The following EYA2 variants were observed in gnomAD, a reference collection of about 807,000 sequenced individuals.
The protein encoded by EYA2 is protein phosphatase EYA2.
EYA2 carries 31 observed loss-of-function variants against 69.2 expected under a neutral mutation model. The observed-to-expected ratio is 0.45, with a 90% CI of 0.34 to 0.60. EYA2 has a LOEUF of 0.60. Among genes scored for constraint, EYA2 ranks in the 20% least tolerant of loss-of-function variants. The probability of loss-of-function intolerance (pLI) is 0.02; values close to 1 mark genes in which losing one functional copy is unlikely to be tolerated. For synonymous variants in EYA2, 257 were observed against 279.4 expected (o/e 0.92, Z 0.80); for missense variants, 622 against 701.2 (o/e 0.89, Z 1.28).
intron 10 of EYA2, among the ~76,000 whole-genome samples, chr20:47,148,064 A>G (rs901127053): frequency 6.6e-6 from 1 of 151,024 alleles, no homozygotes; most frequent in African/African-American, 2.4e-5. Context: ...GTCTCAAAAA[A>G]AAAAAAAAAG....
chr20:46,991,621 T>C (rs1406941467), intron 2 of EYA2, among the ~76,000 whole-genome samples: 1 of 152,204 alleles, frequency 6.6e-6, no homozygotes, highest in African/African-American at 2.4e-5. Context: ...TAAAAGTGAA[T>C]TTGTAAAAAT....
chr20:47,117,512 G>T, intron 9 of EYA2: 1 of 985,374 alleles, frequency 1.0e-6, no homozygotes, highest in Non-Finnish European at 1.2e-6. Flanking sequence ...ATTCCTCCGC[G>T]GGTGTTATTA....
rs60383949 is a variant in EYA2 at position 47,078,331 on chromosome 20, G to GCACACACACA, written c.661+4019_661+4028dup. ...CACATGTGCACGTGCGCGCGCGCGC[G>GCACACACACA]CACACACACACACACACACACACAC... On this transcript the variant is annotated intron_variant, in intron 7 of 15. Coordinates refer to ENST00000327619, the MANE Select transcript of EYA2 (RefSeq NM_005244.5). 5.1e-4 allele frequency among the ~76,000 whole-genome samples: 63 copies of GCACACACACA among 123,820 alleles called. No individual in the cohort carries two copies. In the East Asian group the frequency reaches 7.7e-3, roughly 15 times the overall value. 81.2% of individuals were successfully genotyped at this position (123,820 alleles called of 152,430 possible).
At chr20:46,950,903 G>A (rs557718241) in intron 1 of EYA2, among the ~76,000 whole-genome samples, 1 of 152,258 alleles carries the variant, frequency 6.6e-6, no homozygotes, top group Non-Finnish European at 1.5e-5. Flanking sequence ...AGTAACAGAG[G>A]GTGTGTGATC....
chr20:46,913,697 G>A (rs1231413719), intron 1 of EYA2, among the ~76,000 whole-genome samples: 1 of 152,144 alleles, frequency 6.6e-6, no homozygotes, highest in African/African-American at 2.4e-5. Context: ...TGAGGGATTG[G>A]CTCTGGGAAG....
intron 9 of EYA2, among the ~76,000 whole-genome samples, chr20:47,142,635 A>G (rs2033620431): frequency 6.6e-6 from 1 of 152,238 alleles, no homozygotes; most frequent in African/African-American, 2.4e-5. Context: ...GAGAGACTCA[A>G]CATCCCAACT....
chr20:46,945,212 G>C (rs1978384870), intron 1 of EYA2, among the ~76,000 whole-genome samples: 1 of 152,192 alleles, frequency 6.6e-6, no homozygotes, highest in Admixed American at 6.5e-5. Flanking sequence ...TCTGTAAAAT[G>C]GGGATAATTA....
At position 47,158,032 on chromosome 20, in the gene EYA2, A is replaced by G. The variant is rs567546079; in HGVS notation, c.979-11107A>G. ...GTTGGAAGGCCCCTGCGATCCCAGC[A>G]CCTACCTTCATCCATGCCCTGTGAC... On this transcript the variant is annotated intron_variant, in intron 10 of 15. Coordinates refer to ENST00000327619, the MANE Select transcript of EYA2 (RefSeq NM_005244.5). Among the ~76,000 whole-genome samples, 15 of 152,090 alleles carry G rather than the reference A, an allele frequency of 9.9e-5. 1 individual carries two copies. In the South Asian group the frequency reaches 3.2e-3, roughly 32 times the overall value.
intron 1 of EYA2, among the ~76,000 whole-genome samples, chr20:46,920,121 G>T (rs1219679859): frequency 6.6e-6 from 1 of 151,846 alleles, no homozygotes; most frequent in Non-Finnish European, 1.5e-5. Flanking sequence ...AGATATAATA[G>T]CAATGAAAAA....
intron 5 of EYA2, among the ~76,000 whole-genome samples, chr20:47,038,824 C>A (rs563316614): frequency 6.6e-6 from 1 of 152,210 alleles, no homozygotes; most frequent in African/African-American, 2.4e-5. Context: ...AGTGTGAGTA[C>A]TTTAGATACC....
chr20:47,113,082 G>A (rs576360876), intron 9 of EYA2, among the ~76,000 whole-genome samples: 3 of 151,716 alleles, frequency 2.0e-5, no homozygotes, highest in Non-Finnish European at 2.9e-5. Flanking sequence ...CATGTTGACC[G>A]GGCTGGTCTT....
At chr20:47,058,373 A>C (rs139745392) in intron 5 of EYA2, among the ~76,000 whole-genome samples, 1 of 152,338 alleles carries the variant, frequency 6.6e-6, no homozygotes, top group African/African-American at 2.4e-5. Flanking sequence ...GGTCTGTGCA[A>C]CCTTGGGACC....
chr20:47,180,312 T>C (rs2281367), intron 13 of EYA2, among the ~76,000 whole-genome samples: 87,058 of 152,046 alleles, frequency 0.57, 26,838 homozygotes, highest in African/African-American at 0.82. Flanking sequence ...ATTGCAGGTG[T>C]GAGCCACCAC....
At chr20:46,918,119 G>A (rs1284130075) in intron 1 of EYA2, among the ~76,000 whole-genome samples, 1 of 152,080 alleles carries the variant, frequency 6.6e-6, no homozygotes, top group Non-Finnish European at 1.5e-5. Flanking sequence ...AGGAGATCGA[G>A]ACCATCCTGG....
intron 1 of EYA2, among the ~76,000 whole-genome samples, chr20:46,905,212 A>T (rs1180022192): frequency 6.6e-6 from 1 of 152,060 alleles, no homozygotes; most frequent in Admixed American, 6.5e-5. Flanking sequence ...AAAATACATG[A>T]TATACATGTG....
intron 9 of EYA2, among the ~76,000 whole-genome samples, chr20:47,099,885 T>G (rs1282104159): frequency 1.3e-5 from 2 of 151,600 alleles, no homozygotes; most frequent in East Asian, 3.9e-4. Context: ...ACCATGAACA[T>G]TTTTTTTTAT....
chr20:46,991,715 A>C (rs1981669743), intron 2 of EYA2, among the ~76,000 whole-genome samples: 1 of 152,198 alleles, frequency 6.6e-6, no homozygotes, highest in South Asian at 2.1e-4. Context: ...CACACCTGTA[A>C]TCCCAGCACT....
At chr20:47,109,986 C>G (rs977375562) in intron 9 of EYA2, among the ~76,000 whole-genome samples, 1 of 152,184 alleles carries the variant, frequency 6.6e-6, no homozygotes, top group Non-Finnish European at 1.5e-5. Context: ...TTATGGCACT[C>G]TCTTCAGGGA....
At chr20:47,103,724 C>T (rs758748315) in intron 9 of EYA2, among the ~76,000 whole-genome samples, 72 of 151,978 alleles carry the variant, frequency 4.7e-4, no homozygotes, top group Non-Finnish European at 7.9e-4. Context: ...TCACCTCCCA[C>T]GAGGTTCCTC....
Sources: allele counts gnomAD v4.1 joint callset (sites outside exome capture counted in the v4.1 genomes callset), GRCh38; gene constraint gnomAD v4.1.1; transcripts MANE v1.5; gene names NCBI Gene and HGNC (gene_info 2026-07-23, HGNC 2026-07-21).